CSMD1: variants seen among roughly 807,000 people sequenced by gnomAD.
CSMD1 encodes the protein CUB and Sushi multiple domains 1.
In CSMD1, 213 loss-of-function variants were observed where a neutral mutation model predicts 417.5. That is an observed-to-expected ratio of 0.51 (90% CI 0.46 to 0.57). The LOEUF (loss-of-function observed/expected upper bound fraction) is 0.57, where lower values mean the gene tolerates loss of function less well. Ranked by LOEUF, CSMD1 falls within the 20% of genes least tolerant of loss-of-function variation. The pLI is 0.00. For synonymous variants in CSMD1, 2,862 were observed against 1,736.8 expected (o/e 1.65, Z -16.11); for missense variants, 6,923 against 4,529.7 (o/e 1.53, Z -15.17).
intron 10 of CSMD1, among the ~76,000 whole-genome samples, chr8:3,505,743 G>A (rs918678364): frequency 4.6e-5 from 7 of 152,194 alleles, no homozygotes; most frequent in African/African-American, 1.7e-4. Flanking sequence ...GTTCTGCTTA[G>A]TATGTCTACT....
chr8:4,869,249 C>A (rs1332996289), intron 1 of CSMD1, among the ~76,000 whole-genome samples: 2 of 151,854 alleles, frequency 1.3e-5, no homozygotes, highest in Non-Finnish European at 2.9e-5. Flanking sequence ...TGGCTATGAA[C>A]GTATATATTA....
chr8:4,208,860 C>G (rs546262714), intron 3 of CSMD1, among the ~76,000 whole-genome samples: 1 of 152,226 alleles, frequency 6.6e-6, no homozygotes, highest in South Asian at 2.1e-4. Context: ...CAATAAGTAT[C>G]CATTCAAAAT....
rs1816413560 is a variant in CSMD1, at chr8:3,110,180, C to T, written c.6586G>A (p.Val2196Ile). Reference protein sequence around the residue: ...INFTLLQTEAVNDYIAVWDGP... With the variant: ...INFTLLQTEAINDYIAVWDGP... The stretch of plus-strand genomic sequence containing the variant: ...TACCAAACAGCAATGTAATCGTTGA[C>T]AGCTTCCGTCTGTAACAGGGTGAAG... The change falls in exon 43 of 70, where the codon GTC (valine) becomes ATC (isoleucine). Residue 2196 changes from valine to isoleucine, a missense_variant. Coordinates refer to ENST00000635120, the MANE Select transcript of CSMD1 (RefSeq NM_033225.6). The T allele has an allele frequency of 3.7e-6, 6 of 1,608,676 alleles. No homozygotes were observed. The highest frequency in any genetic ancestry group is 5.1e-6 in the Non-Finnish European group (6 of 1,177,770).
chr8:4,352,297 G>C (rs1241605514), intron 3 of CSMD1, among the ~76,000 whole-genome samples: 1 of 152,160 alleles, frequency 6.6e-6, no homozygotes, highest in Non-Finnish European at 1.5e-5. Context: ...AGGTGATTTA[G>C]AAAATAGAAC....
chr8:3,682,512 G>C (rs968034333), intron 7 of CSMD1, among the ~76,000 whole-genome samples: 3 of 152,176 alleles, frequency 2.0e-5, no homozygotes, highest in African/African-American at 7.2e-5. Flanking sequence ...ACAACAGTTG[G>C]AATGGCGATC....
chr8:3,974,861 G>A (rs573569779), intron 5 of CSMD1, among the ~76,000 whole-genome samples: 1 of 151,870 alleles, frequency 6.6e-6, no homozygotes, highest in Admixed American at 6.6e-5. Flanking sequence ...ATAAAATCAG[G>A]TGTTATCATA....
chr8:4,467,122 TAAAAAA>T (rs35481238), intron 2 of CSMD1, among the ~76,000 whole-genome samples: 3 of 86,254 alleles, frequency 3.5e-5, no homozygotes, highest in African/African-American at 1.3e-4. Flanking sequence ...TTCTTCAGAG[TAAAAAA>T]AAAAAAAAAA....
chr8:3,753,044 C>A (rs909122168), intron 6 of CSMD1, among the ~76,000 whole-genome samples: 1 of 152,190 alleles, frequency 6.6e-6, no homozygotes, highest in Non-Finnish European at 1.5e-5. Flanking sequence ...TCTCCGTGAC[C>A]TGCTAGTTCC....
intron 2 of CSMD1, among the ~76,000 whole-genome samples, chr8:4,486,703 C>T (rs1052870819): frequency 6.6e-6 from 1 of 151,538 alleles, no homozygotes; most frequent in Non-Finnish European, 1.5e-5. Context: ...AAGTGAAATA[C>T]AAAGAAAAAT....
chr8:3,358,778 C>T (rs1489385957), intron 21 of CSMD1, among the ~76,000 whole-genome samples: 3 of 152,142 alleles, frequency 2.0e-5, no homozygotes, highest in Non-Finnish European at 4.4e-5. Context: ...TGCTTTTAAT[C>T]AATGCAATTG....
At chr8:4,758,614 T>C (rs1246805363) in intron 1 of CSMD1, among the ~76,000 whole-genome samples, 4 of 152,192 alleles carry the variant, frequency 2.6e-5, no homozygotes, top group South Asian at 4.1e-4. Context: ...AGATGTTTAA[T>C]TGACTCAGTT....
At chr8:3,821,838 G>T (rs770995338) in intron 5 of CSMD1, among the ~76,000 whole-genome samples, 19 of 152,096 alleles carry the variant, frequency 1.2e-4, no homozygotes, top group Non-Finnish European at 1.9e-4. Flanking sequence ...GAGAAACAAA[G>T]TTAGTCATGG....
chr8:4,064,221 C>G (rs1247415500), intron 3 of CSMD1, among the ~76,000 whole-genome samples: 1 of 152,194 alleles, frequency 6.6e-6, no homozygotes, highest in Non-Finnish European at 1.5e-5. Flanking sequence ...TTTGTTTCTG[C>G]ATCCCAGTGG....
chr8:3,038,742 T>C (rs1267142626), intron 50 of CSMD1, among the ~76,000 whole-genome samples: 2 of 152,130 alleles, frequency 1.3e-5, no homozygotes, highest in Non-Finnish European at 2.9e-5. Flanking sequence ...AATTATAAAA[T>C]TTTTTCTTAC....
intron 7 of CSMD1, among the ~76,000 whole-genome samples, chr8:3,647,730 A>G (rs912331005): frequency 6.6e-6 from 1 of 152,206 alleles, no homozygotes; most frequent in African/African-American, 2.4e-5. Context: ...ACGTTAAAGT[A>G]TTGATTGGAG....
At chr8:3,476,305 G>C (rs900314490) in intron 11 of CSMD1, among the ~76,000 whole-genome samples, 2 of 152,182 alleles carry the variant, frequency 1.3e-5, no homozygotes, top group African/African-American at 4.8e-5. Context: ...GTTTTTGGGA[G>C]TAATGATTTT....
chr8:4,736,091 G>A (rs1810216262), intron 1 of CSMD1, among the ~76,000 whole-genome samples: 1 of 152,052 alleles, frequency 6.6e-6, no homozygotes, highest in Non-Finnish European at 1.5e-5. Flanking sequence ...GATTTTCATT[G>A]GAAAGCTTTG....
At chr8:4,844,523 C>T (rs1311235435) in intron 1 of CSMD1, among the ~76,000 whole-genome samples, 1 of 152,126 alleles carries the variant, frequency 6.6e-6, no homozygotes, top group Non-Finnish European at 1.5e-5. Context: ...GTCAGGACTG[C>T]CTGCTGCGAC....
intron 2 of CSMD1, among the ~76,000 whole-genome samples, chr8:4,618,607 T>C (rs953338341): frequency 6.6e-6 from 1 of 152,138 alleles, no homozygotes; most frequent in Non-Finnish European, 1.5e-5. Context: ...TTGATGTTTT[T>C]CTGAGCTTCA....
Sources: allele counts gnomAD v4.1 joint callset (sites outside exome capture counted in the v4.1 genomes callset), GRCh38; gene constraint gnomAD v4.1.1; transcripts MANE v1.5; gene names NCBI Gene and HGNC (gene_info 2026-07-23, HGNC 2026-07-21).